SIPA1L3: variants seen among roughly 807,000 people sequenced by gnomAD.
The protein encoded by SIPA1L3 is signal-induced proliferation-associated 1-like protein 3.
In SIPA1L3, 59 loss-of-function variants were observed where a neutral mutation model predicts 150.1. The ratio of observed to expected loss-of-function variants is 0.39; its 90% confidence interval spans 0.32 to 0.49. SIPA1L3 has a LOEUF of 0.49. Ranked by LOEUF, SIPA1L3 falls within the 20% of genes least tolerant of loss-of-function variation. The pLI, the probability that SIPA1L3 is intolerant of heterozygous loss-of-function variation, is 0.86. For missense variants in SIPA1L3, 2,211 were observed against 2,489.5 expected (o/e 0.89, Z 2.38); for synonymous variants, 1,070 against 1,077.6 (o/e 0.99, Z 0.14).
intron 13 of SIPA1L3, among the ~76,000 whole-genome samples, chr19:38,156,944 C>T (rs973978585): frequency 6.6e-6 from 1 of 152,082 alleles, no homozygotes; most frequent in Admixed American, 6.5e-5. Flanking sequence ...GGGAGGATTG[C>T]TTGAGGCTAG....
At chr19:37,979,080 A>C (rs1967138944) in intron 1 of SIPA1L3, among the ~76,000 whole-genome samples, 1 of 152,130 alleles carries the variant, frequency 6.6e-6, no homozygotes, top group African/African-American at 2.4e-5. Context: ...CATGAGTACA[A>C]GCAAATCTAT....
chr19:37,974,286 C>T (rs545971247), intron 1 of SIPA1L3, among the ~76,000 whole-genome samples: 47 of 151,884 alleles, frequency 3.1e-4, no homozygotes, highest in Middle Eastern at 3.4e-3. Context: ...TTTGGGAGGC[C>T]GAGGCAGGAG....
At chr19:37,915,685 A>G (rs1387327059) in intron 1 of SIPA1L3, among the ~76,000 whole-genome samples, 1 of 152,126 alleles carries the variant, frequency 6.6e-6, no homozygotes, top group African/African-American at 2.4e-5. Flanking sequence ...CCAGCTGGAA[A>G]TGGTGTTTTA....
At chr19:37,934,352 T>G (rs773778359) in intron 1 of SIPA1L3, among the ~76,000 whole-genome samples, 1 of 152,190 alleles carries the variant, frequency 6.6e-6, no homozygotes, top group African/African-American at 2.4e-5. Context: ...TTCTGCAACA[T>G]TTAACACATA....
At chr19:38,195,761 C>T (rs1266568826) in intron 18 of SIPA1L3, among the ~76,000 whole-genome samples, 2 of 149,796 alleles carry the variant, frequency 1.3e-5, no homozygotes, top group Non-Finnish European at 3.0e-5. Flanking sequence ...CCTTCCCCTA[C>T]CAGGCTGAGT....
intron 1 of SIPA1L3, among the ~76,000 whole-genome samples, chr19:37,916,583 T>G (rs1217754369): frequency 6.6e-6 from 1 of 151,390 alleles, no homozygotes. Context: ...ACCCTGTGTG[T>G]CAGGGTCCAT....
intron 13 of SIPA1L3, among the ~76,000 whole-genome samples, chr19:38,156,052 G>A (rs1012706206): frequency 1.3e-5 from 2 of 151,860 alleles, no homozygotes; most frequent in Non-Finnish European, 2.9e-5. Flanking sequence ...TTCCACTCCA[G>A]CCTGGGTAAC....
chr19:38,146,128 T>G (rs1971699306), intron 12 of SIPA1L3, among the ~76,000 whole-genome samples: 1 of 152,176 alleles, frequency 6.6e-6, no homozygotes, highest in South Asian at 2.1e-4. Context: ...CATCCCAAAG[T>G]GCTAGGATTA....
chr19:37,933,672 C>T (rs1197216805), intron 1 of SIPA1L3, among the ~76,000 whole-genome samples: 5 of 152,116 alleles, frequency 3.3e-5, no homozygotes, highest in African/African-American at 1.2e-4. Context: ...GTGGGTGAGG[C>T]GGCATGTGCA....
At chr19:38,203,970 A>C in intron 20 of SIPA1L3, 157 bp from the exon 21 acceptor site, 1 of 612,632 alleles carries the variant, frequency 1.6e-6, no homozygotes, top group South Asian at 2.0e-5. Flanking sequence ...TGCCGGGTGG[A>C]GGGCTGGCTT....
intron 1 of SIPA1L3, among the ~76,000 whole-genome samples, chr19:38,028,160 A>G (rs976879629): frequency 6.6e-6 from 1 of 152,192 alleles, no homozygotes; most frequent in Non-Finnish European, 1.5e-5. Flanking sequence ...CATCCATGGA[A>G]TATTCACTTA....
chr19:38,026,668 G>A (rs1243294770), intron 1 of SIPA1L3, among the ~76,000 whole-genome samples: 3 of 152,118 alleles, frequency 2.0e-5, no homozygotes, highest in Non-Finnish European at 2.9e-5. Flanking sequence ...AAGCTGCTCC[G>A]CCTTTACCTT....
intron 15 of SIPA1L3, among the ~76,000 whole-genome samples, chr19:38,172,975 G>A (rs748313573): frequency 2.6e-5 from 4 of 151,992 alleles, no homozygotes; most frequent in Non-Finnish European, 4.4e-5. Flanking sequence ...GGTGGCACAC[G>A]CATGTTGTCC....
chr19:37,934,878 T>A (rs1271787491), intron 1 of SIPA1L3, among the ~76,000 whole-genome samples: 5 of 152,226 alleles, frequency 3.3e-5, no homozygotes, highest in Non-Finnish European at 5.9e-5. Context: ...TGAGATTTGC[T>A]CTTTTTAGTG....
chr19:37,911,353 T>G (rs1231177277), intron 1 of SIPA1L3, among the ~76,000 whole-genome samples: 1 of 152,054 alleles, frequency 6.6e-6, no homozygotes, highest in African/African-American at 2.4e-5. Flanking sequence ...TGTAACCCAG[T>G]TTTTTCAATT....
intron 1 of SIPA1L3, among the ~76,000 whole-genome samples, chr19:38,017,733 G>A (rs982039239): frequency 6.6e-6 from 1 of 151,810 alleles, no homozygotes; most frequent in Non-Finnish European, 1.5e-5. Context: ...GTCTTGCAGT[G>A]TTGCCCAGTC....
intron 6 of SIPA1L3, among the ~76,000 whole-genome samples, chr19:38,101,963 C>T (rs1329202143): frequency 1.3e-5 from 2 of 152,024 alleles, no homozygotes; most frequent in East Asian, 1.9e-4. Context: ...CCACATGCTT[C>T]GTGCTGCGCA....
chr19:37,991,291 A>G (rs1328860399), intron 1 of SIPA1L3, among the ~76,000 whole-genome samples: 2 of 152,216 alleles, frequency 1.3e-5, no homozygotes, highest in African/African-American at 2.4e-5. Context: ...AATAGTCTCA[A>G]AGCTGGGATT....
At chr19:38,170,124 A>T in intron 15 of SIPA1L3, among the ~76,000 whole-genome samples, 1 of 152,108 alleles carries the variant, frequency 6.6e-6, no homozygotes, top group Non-Finnish European at 1.5e-5. Context: ...GGGCCAGCCC[A>T]GTTGTGGGAG....
Sources: allele counts gnomAD v4.1 joint callset (sites outside exome capture counted in the v4.1 genomes callset), GRCh38; gene constraint gnomAD v4.1.1; transcripts MANE v1.5; gene names NCBI Gene and HGNC (gene_info 2026-07-23, HGNC 2026-07-21).